The following PTPRD variants were observed in gnomAD, a reference collection of about 807,000 sequenced individuals.
PTPRD encodes the protein protein tyrosine phosphatase receptor type D, also known as receptor-type tyrosine-protein phosphatase delta.
Under a neutral mutation model 214.5 loss-of-function variants are expected in PTPRD, and 34 were observed. That is an observed-to-expected ratio of 0.16 (90% CI 0.12 to 0.21). PTPRD has a LOEUF of 0.21. Ranked by LOEUF, PTPRD falls within the 10% of genes least tolerant of loss-of-function variation. PTPRD has a pLI of 1.00. For synonymous variants in PTPRD, 1,128 were observed against 845.7 expected, an observed-to-expected ratio of 1.33 and a Z score of -5.79; for missense variants, 2,545 against 2,398.7, an observed-to-expected ratio of 1.06 and a Z score of -1.27.
intron 12 of PTPRD, among the ~76,000 whole-genome samples, chr9:8,668,753 T>G (rs550930862): frequency 7.2e-5 from 11 of 152,308 alleles, no homozygotes; most frequent in Admixed American, 3.9e-4. Flanking sequence ...ACTCGAATCT[T>G]TACTATAATA....
chr9:8,574,264 G>A (rs888187807), intron 14 of PTPRD, among the ~76,000 whole-genome samples: 50 of 151,732 alleles, frequency 3.3e-4, no homozygotes, highest in African/African-American at 1.2e-3. Context: ...CTGATAATAC[G>A]CCATAATGAA....
At chr9:9,385,545 C>T (rs1334382546) in intron 9 of PTPRD, among the ~76,000 whole-genome samples, 1 of 152,138 alleles carries the variant, frequency 6.6e-6, no homozygotes, top group Non-Finnish European at 1.5e-5. Flanking sequence ...AGTTACCAGT[C>T]CTTTCAGTGA....
chr9:10,241,633 G>A (rs1213534834), intron 3 of PTPRD, among the ~76,000 whole-genome samples: 1 of 151,916 alleles, frequency 6.6e-6, no homozygotes, highest in Non-Finnish European at 1.5e-5. Context: ...ATTCTATTAA[G>A]TGCAACTACT....
Position 9,577,600 on chromosome 9 carries a change from A to G in PTPRD, c.-286-2819T>C, listed in dbSNP as rs754197135. On this transcript the variant is annotated intron_variant, in intron 7 of 45. Transcript: ENST00000381196. ...AATAAAAATAAATAAAAAGGAGTTTATTTTAACACGATGTGCATAAATAAC... is the reference window on the plus strand; with the variant it reads ...AATAAAAATAAATAAAAAGGAGTTTGTTTTAACACGATGTGCATAAATAAC... 5.7e-4 allele frequency among the ~76,000 whole-genome samples: 86 copies of G among 152,068 alleles called. 3 individuals carry two copies. The highest frequency in any genetic ancestry group is 2.9e-4 in the Non-Finnish European group (20 of 67,996).
intron 2 of PTPRD, among the ~76,000 whole-genome samples, chr9:10,465,857 A>G (rs1258842004): frequency 1.3e-5 from 2 of 152,238 alleles, no homozygotes; most frequent in Non-Finnish European, 2.9e-5. Flanking sequence ...TAAGCAGCGC[A>G]TGACTGTTTA....
chr9:8,571,400 A>T (rs539010208), intron 14 of PTPRD, among the ~76,000 whole-genome samples: 1 of 152,250 alleles, frequency 6.6e-6, no homozygotes, highest in South Asian at 2.1e-4. Flanking sequence ...GAAATTTAAA[A>T]TAATAACAAA....
chr9:10,574,883 T>A (rs1567014524), intron 2 of PTPRD, among the ~76,000 whole-genome samples: 1 of 150,112 alleles, frequency 6.7e-6, no homozygotes, highest in Admixed American at 6.7e-5. Context: ...CTAAAGAAAT[T>A]GCCTTTTCCC....
At chr9:9,109,729 A>T (rs2154448195) in intron 10 of PTPRD, among the ~76,000 whole-genome samples, 1 of 152,212 alleles carries the variant, frequency 6.6e-6, no homozygotes, top group Non-Finnish European at 1.5e-5. Context: ...ATATCTTTCT[A>T]ATATTTTTCC....
At chr9:10,020,505 G>A (rs1388846273) in intron 4 of PTPRD, among the ~76,000 whole-genome samples, 1 of 119,900 alleles carries the variant, frequency 8.3e-6, no homozygotes, top group Admixed American at 9.0e-5. Flanking sequence ...GTTTCACCAC[G>A]TTGCCCAGGA....
At chr9:8,595,009 C>T (rs1036085923) in intron 14 of PTPRD, among the ~76,000 whole-genome samples, 1 of 151,312 alleles carries the variant, frequency 6.6e-6, no homozygotes, top group Admixed American at 6.6e-5. Flanking sequence ...ACTACAGGCC[C>T]CCACCATCAT....
intron 7 of PTPRD, among the ~76,000 whole-genome samples, chr9:9,672,583 A>T (rs1035895657): frequency 1.3e-5 from 2 of 152,146 alleles, no homozygotes; most frequent in African/African-American, 4.8e-5. Context: ...AAAGCTCATG[A>T]TCTGAACATT....
At chr9:8,982,338 G>C (rs2099317026) in intron 11 of PTPRD, among the ~76,000 whole-genome samples, 1 of 151,894 alleles carries the variant, frequency 6.6e-6, no homozygotes, top group African/African-American at 2.4e-5. Context: ...AAACTTTATA[G>C]ATTTTAAACT....
At chr9:10,501,906 G>A (rs1323573704) in intron 2 of PTPRD, among the ~76,000 whole-genome samples, 5 of 151,804 alleles carry the variant, frequency 3.3e-5, no homozygotes, top group Admixed American at 2.0e-4. Context: ...CCTTGTCTAC[G>A]ATCCTATCCC....
chr9:8,849,964 A>G (rs1202807440), intron 11 of PTPRD, among the ~76,000 whole-genome samples: 3 of 152,234 alleles, frequency 2.0e-5, no homozygotes, highest in Non-Finnish European at 4.4e-5. Context: ...GGAAAGGTAG[A>G]AATGGAAAGG....
intron 2 of PTPRD, among the ~76,000 whole-genome samples, chr9:10,464,042 T>A (rs1306157746): frequency 2.0e-5 from 3 of 152,086 alleles, no homozygotes; most frequent in African/African-American, 7.2e-5. Flanking sequence ...AAAGTATAAG[T>A]ACAAATACCT....
chr9:10,452,867 G>T (rs1013417365), intron 2 of PTPRD, among the ~76,000 whole-genome samples: 2 of 151,490 alleles, frequency 1.3e-5, no homozygotes, highest in African/African-American at 4.8e-5. Context: ...TGTTTTCTCC[G>T]TTTTTGGAAT....
chr9:10,102,728 A>T (rs1318817631), intron 3 of PTPRD, among the ~76,000 whole-genome samples: 1 of 151,606 alleles, frequency 6.6e-6, no homozygotes, highest in Non-Finnish European at 1.5e-5. Flanking sequence ...ATATGTCTTC[A>T]GTTTACCCAA....
chr9:8,579,909 T>C (rs2092890841), intron 14 of PTPRD, among the ~76,000 whole-genome samples: 1 of 152,188 alleles, frequency 6.6e-6, no homozygotes, highest in Non-Finnish European at 1.5e-5. Flanking sequence ...AACAGTTCCC[T>C]CTTTTTGCCA....
chr9:8,507,412 G>C lies in PTPRD; in HGVS notation c.1566C>G (p.Phe522Leu). The part of the protein sequence containing the change: ...QTGVPGQPLN[F>L]KAEPESETSI... ...TTGTTTCAGACTCAGGTTCTGCTTT[G>C]AAGTTTAGTGGCTGCCCTGGTACTA... is the stretch of plus-strand genomic sequence containing the variant. Residue 522 changes from phenylalanine (F) to leucine (L), a missense_variant, in exon 22 of 46, where the codon TTC becomes TTG. Phe to Leu is a conservative substitution (Grantham distance 22). Transcript: ENST00000381196. 1.9e-6 allele frequency: 3 copies of C among 1,613,978 alleles called. No individual in the cohort carries two copies. The highest frequency in any genetic ancestry group is 2.5e-6 in the Non-Finnish European group (3 of 1,179,858).
Sources: gnomAD v4.1 joint callset for allele counts (sites outside exome capture counted in the v4.1 genomes callset) on GRCh38, gnomAD v4.1.1 for gene constraint, MANE v1.5 for transcripts, NCBI Gene and HGNC (gene_info 2026-07-23, HGNC 2026-07-21) for gene names.